The following ERCC6 variants were observed in gnomAD, a reference collection of about 807,000 sequenced individuals.
ERCC6 encodes DNA excision repair protein ERCC-6.
Under a neutral mutation model 158.7 loss-of-function variants are expected in ERCC6, and 116 were observed. The observed-to-expected ratio is 0.73, with a 90% confidence interval of 0.63 to 0.85. ERCC6 has a LOEUF of 0.85. ERCC6 is among the 40% of genes least tolerant of loss of function. The pLI is 0.00. For synonymous variants in ERCC6, 678 were observed against 659.3 expected (o/e 1.03, Z -0.43); for missense variants, 1,698 against 1,799.4 (o/e 0.94, Z 1.02).
At chr10:49,483,248 GGAAA>G in intron 9 of ERCC6, 94 bp downstream of exon 9, 1 of 1,283,488 alleles carries the variant, frequency 7.8e-7, no homozygotes. Context: ...GTTGGCACAA[GGAAA>G]GATTCAATAA....
chr10:49,451,293 A>G (rs2132517209), downstream of ERCC6, among the ~76,000 whole-genome samples: 1 of 151,478 alleles, frequency 6.6e-6, no homozygotes. Context: ...CATAATTGCA[A>G]TGGCTTAGAC....
At chr10:49,454,263 T>G (rs1470201442), downstream of ERCC6, among the ~76,000 whole-genome samples, 1 of 152,240 alleles carries the variant, frequency 6.6e-6, no homozygotes, top group Non-Finnish European at 1.5e-5. Flanking sequence ...TTATTATAGT[T>G]TTTAACTTCA....
intron 4 of ERCC6, among the ~76,000 whole-genome samples, chr10:49,527,095 G>A (rs892103857): frequency 3.9e-5 from 6 of 152,214 alleles, no homozygotes; most frequent in South Asian, 4.1e-4. Context: ...AGCTGCTGTG[G>A]ACAGGCAGAG....
intron 8 of ERCC6, among the ~76,000 whole-genome samples, chr10:49,492,483 G>C (rs1851192160): frequency 6.6e-6 from 1 of 152,204 alleles, no homozygotes; most frequent in African/African-American, 2.4e-5. Context: ...AGAGCTCACA[G>C]TCTGGATGGT....
rs982081364 is a variant in ERCC6, at chr10:49,455,599, A to G, written c.*3216T>C. The stretch of plus-strand genomic sequence containing the variant: ...ACAACTTAGCATGTGATGAGTTGAA[A>G]GCTGACATTTTAAACTGGTGGAGAA... On this transcript the variant is annotated 3_prime_UTR_variant, in exon 21 of 21. Coordinates refer to ENST00000355832, the MANE Select transcript of ERCC6 (RefSeq NM_000124.4). 2.6e-5 allele frequency: 4 copies of G among 152,248 alleles called. No individual in the cohort carries two copies. Among genetic ancestry groups the G allele is most frequent in the Non-Finnish European group, 4.4e-5 (3 of 68,040 alleles). 9.4% of individuals were successfully genotyped at this position (152,248 alleles called of 1,614,324 possible).
chr10:49,470,155 CT>C, intron 18 of ERCC6, 26 bp downstream of exon 18: 6 of 1,604,176 alleles, frequency 3.7e-6, no homozygotes, highest in Non-Finnish European at 5.1e-6. Context: ...CCTAGCATCC[CT>C]GTGGCAAACG....
At chr10:49,539,207 G>C (rs1837681327), upstream of ERCC6, among the ~76,000 whole-genome samples, 1 of 152,266 alleles carries the variant, frequency 6.6e-6, no homozygotes, top group African/African-American at 2.4e-5. Flanking sequence ...CTTTCTACTT[G>C]CGTGCGAGCA....
chr10:49,463,241 C>T (rs368118007), intron 18 of ERCC6, among the ~76,000 whole-genome samples: 13 of 152,078 alleles, frequency 8.5e-5, no homozygotes, highest in Non-Finnish European at 1.8e-4. Flanking sequence ...TAATATAATA[C>T]GTTTATCAAT....
the ERCC6 span, among the ~76,000 whole-genome samples, chr10:49,435,371 T>C: frequency 6.6e-6 from 1 of 152,268 alleles, no homozygotes; most frequent in African/African-American, 2.4e-5. Context: ...CTTGACCTAA[T>C]AAACAGTCAC....
At position 49,454,881 on chromosome 10, in the gene ERCC6, C is replaced by T. The variant is rs1166045139; in HGVS notation, c.*3934G>A. Among the ~76,000 whole-genome samples, 2 of 152,078 alleles carry T rather than the reference C, an allele frequency of 1.3e-5. No individual in the cohort carries two copies. Among genetic ancestry groups the T allele is most frequent in the African/African-American group, 2.4e-5 (1 of 41,394 alleles). On this transcript the variant is annotated 3_prime_UTR_variant, in exon 21 of 21. Transcript: ENST00000355832. ...AGAATGCAGAGCCAAGAAACATTTC[C>T]GTACATTATATGTAAATTGGTAAAG...
intron 7 of ERCC6, among the ~76,000 whole-genome samples, chr10:49,499,770 T>A (rs1851325799): frequency 6.6e-6 from 1 of 152,220 alleles, no homozygotes; most frequent in Non-Finnish European, 1.5e-5. Flanking sequence ...ATTTCAGTCC[T>A]ACCATATCAA....
Position 49,522,670 on chromosome 10 carries a change from G to A in ERCC6, c.1397+1363C>T, listed in dbSNP as rs11101146. Among the ~76,000 whole-genome samples, 6 of 152,178 alleles carry A rather than the reference G, an allele frequency of 3.9e-5. No individual in the cohort carries two copies. The East Asian group carries it at 1.2e-3, about 29-fold the overall frequency. On this transcript the variant is annotated intron_variant, in intron 5 of 20. Coordinates refer to ENST00000355832, the MANE Select transcript of ERCC6 (RefSeq NM_000124.4). ...ATTTAATATTGACCCAATTTAATTG[G>A]AAAAATATATATTGCTCCATTTATA...
At chr10:49,450,816 AT>A (rs57063540), downstream of ERCC6, among the ~76,000 whole-genome samples, 60,354 of 146,434 alleles carry the variant, frequency 0.41, 12,769 homozygotes, top group Non-Finnish European at 0.49. Context: ...TAGAAATACG[AT>A]TTTTTTTTTT....
chr10:49,476,840 C>T (rs1230247776), intron 11 of ERCC6, among the ~76,000 whole-genome samples: 16 of 152,126 alleles, frequency 1.1e-4, no homozygotes, highest in Non-Finnish European at 2.9e-5. Context: ...CTCCCTCCTT[C>T]GCAAAGTCCA....
chr10:49,475,461 A>G (rs1371150009), intron 12 of ERCC6: 4 of 444,702 alleles, frequency 9.0e-6, no homozygotes, highest in Non-Finnish European at 1.8e-5. Flanking sequence ...GGGGAGATTC[A>G]TGGAGATGAA....
Position 49,482,825 on chromosome 10 carries a change from C to T in ERCC6, c.2031G>A (p.Pro677=), listed in dbSNP as rs1212094499. Residue 677 remains proline, a synonymous_variant, in exon 10 of 21, where the codon CCG becomes CCA. Coordinates refer to ENST00000355832, the MANE Select transcript of ERCC6 (RefSeq NM_000124.4). Reference sequence around the variant, plus strand: ...ACAGCTCTCGGAGGTTATTTTGCATCGGTGAGCCAGACAGAATGATCCGAT... The same window carrying T: ...ACAGCTCTCGGAGGTTATTTTGCATTGGTGAGCCAGACAGAATGATCCGAT... ...TPHRIILSGS[P]MQNNLRELWS... 15 of 1,613,836 alleles carry T rather than the reference C, an allele frequency of 9.3e-6. No individual in the cohort carries two copies. The highest frequency in any genetic ancestry group is 1.3e-5 in the African/African-American group (1 of 74,850).
chr10:49,468,295 T>G lies in ERCC6; in HGVS notation c.3778+1887A>C, dbSNP rs183171071. On this transcript the variant is annotated intron_variant, in intron 18 of 20. Coordinates refer to ENST00000355832, the MANE Select transcript of ERCC6 (RefSeq NM_000124.4). ...CATGTGAATGCCAGCCACCCTGGCC[T>G]CCCCTGATGCTCAGCTCTGCCTTTT... Among the ~76,000 whole-genome samples, 1,068 of 152,338 alleles carry G rather than the reference T, an allele frequency of 7.0e-3. 47 individuals carry two copies. The highest frequency in any genetic ancestry group is 0.065 in the Admixed American group (992 of 15,308).
chr10:49,502,892 A>G (rs1851378553), intron 6 of ERCC6: 2 of 152,202 alleles, frequency 1.3e-5, no homozygotes, highest in Non-Finnish European at 2.9e-5. Flanking sequence ...AAGCTGGTTC[A>G]TGAACTGGCT....
chr10:49,524,771 C>G lies in ERCC6; in HGVS notation c.659G>C (p.Gly220Ala). ...HASLEEDAEP[G>A]PSSLGSMLMP... ...GAGCATGCTGCCAAGACTGGATGGC[C>G]CCGGCTCTGAAAGAACAATAGCAAT... The change falls in exon 5 of 21, where the codon GGG (glycine) becomes GCG (alanine). Residue 220 changes from glycine (G) to alanine (A), a missense_variant. Transcript: ENST00000355832. 6.2e-7 allele frequency: 1 copy of G among 1,601,578 alleles called. No individual in the cohort carries two copies. The highest frequency in any genetic ancestry group is 1.1e-5 in the South Asian group (1 of 91,082).
Sources: allele counts gnomAD v4.1 joint callset (sites outside exome capture counted in the v4.1 genomes callset), GRCh38; gene constraint gnomAD v4.1.1; transcripts MANE v1.5; gene names NCBI Gene and HGNC (gene_info 2026-07-23, HGNC 2026-07-21).